Variants in SPATC1 observed in about 807,000 individuals in gnomAD.
SPATC1 encodes spermatogenesis and centriole associated 1.
SPATC1 carries 35 observed loss-of-function variants against 36.5 expected under a neutral mutation model. That is an observed-to-expected ratio of 0.96 (90% CI 0.73 to 1.27). SPATC1 has a LOEUF of 1.27. Ranked by LOEUF, SPATC1 falls within the 50% of genes most tolerant of loss-of-function variation. The pLI is 0.00. For synonymous variants in SPATC1, 361 were observed against 353.6 expected (o/e 1.02, Z -0.24); for missense variants, 779 against 796.0 (o/e 0.98, Z 0.26).
intron 1 of SPATC1, among the ~76,000 whole-genome samples, chr8:144,033,071 C>CAAA (rs1305550907): frequency 1.6e-5 from 2 of 128,386 alleles, no homozygotes; most frequent in Admixed American, 8.4e-5. Flanking sequence ...CAACAAACAG[C>CAAA]AAAAAAAAAA....
chr8:144,029,717 CT>C (rs1301095466), intron 1 of SPATC1, among the ~76,000 whole-genome samples: 1 of 152,012 alleles, frequency 6.6e-6, no homozygotes, highest in Non-Finnish European at 1.5e-5. Flanking sequence ...ACTTAGAGAC[CT>C]TTTTTTGTGA....
At chr8:144,019,863 AC>A (rs1465570242) in intron 1 of SPATC1, among the ~76,000 whole-genome samples, 1 of 151,414 alleles carries the variant, frequency 6.6e-6, no homozygotes, top group East Asian at 1.9e-4. Context: ...CCACACACCT[AC>A]CTGAGGATCC....
At chr8:144,027,007 G>GTT (rs1375778377) in intron 1 of SPATC1, among the ~76,000 whole-genome samples, 5 of 133,740 alleles carry the variant, frequency 3.7e-5, no homozygotes, top group Admixed American at 7.6e-5. Flanking sequence ...TTTTTTTTTG[G>GTT]ATTTTTAGTA....
chr8:144,041,664 G>A (rs1205045080), intron 4 of SPATC1, among the ~76,000 whole-genome samples: 3 of 152,214 alleles, frequency 2.0e-5, no homozygotes, highest in African/African-American at 4.8e-5. Flanking sequence ...TGCTTTGCCA[G>A]CATGCCGGAG....
At chr8:144,043,962 G>T (rs1178330329) in intron 4 of SPATC1, among the ~76,000 whole-genome samples, 2 of 152,046 alleles carry the variant, frequency 1.3e-5, no homozygotes, top group Middle Eastern at 3.2e-3. Context: ...ATTGACACTG[G>T]GTCCTACAGA....
At chr8:144,044,011 C>T (rs374822718) in intron 4 of SPATC1, among the ~76,000 whole-genome samples, 52 of 152,294 alleles carry the variant, frequency 3.4e-4, no homozygotes, top group African/African-American at 1.0e-3. Flanking sequence ...TCACACCTTC[C>T]GCTGGTCCAA....
At chr8:144,013,290 T>C (rs1554752703) in intron 1 of SPATC1, among the ~76,000 whole-genome samples, 1 of 152,100 alleles carries the variant, frequency 6.6e-6, no homozygotes, top group Non-Finnish European at 1.5e-5. Flanking sequence ...TCCCAGGCTC[T>C]GGGTCCAGGC....
chr8:144,021,564 TTCTA>T (rs1564268473), intron 1 of SPATC1, among the ~76,000 whole-genome samples: 1 of 85,462 alleles, frequency 1.2e-5, no homozygotes, highest in Non-Finnish European at 2.5e-5. Flanking sequence ...AGAACTTTTC[TTCTA>T]AGGACCCTCT....
intron 1 of SPATC1, among the ~76,000 whole-genome samples, chr8:144,013,505 C>A (rs1554752737): frequency 6.6e-6 from 1 of 152,164 alleles, no homozygotes; most frequent in Non-Finnish European, 1.5e-5. Flanking sequence ...TGTCTTAATT[C>A]CCTGCCCCCT....
intron 1 of SPATC1, among the ~76,000 whole-genome samples, chr8:144,013,742 G>C (rs1279071215): frequency 1.3e-5 from 2 of 152,162 alleles, no homozygotes; most frequent in Non-Finnish European, 2.9e-5. Flanking sequence ...GATGACCTGA[G>C]GTCAGGAGTT....
intron 4 of SPATC1, among the ~76,000 whole-genome samples, chr8:144,041,759 C>T (rs1220583667): frequency 2.6e-5 from 4 of 152,160 alleles, no homozygotes; most frequent in Non-Finnish European, 5.9e-5. Flanking sequence ...GCAGGGAGGG[C>T]GGCTGCATCC....
chr8:144,042,307 A>ATTTTTTTTT (rs1835131253), intron 4 of SPATC1, among the ~76,000 whole-genome samples: 2 of 49,458 alleles, frequency 4.0e-5, no homozygotes, highest in Non-Finnish European at 6.4e-5. Flanking sequence ...ATATATATAT[A>ATTTTTTTTT]TATATTTTTT....
At position 144,012,342 on chromosome 8, in the gene SPATC1, G is replaced by A. The variant is rs1486155230; in HGVS notation, c.-174G>A. On this transcript the variant is annotated 5_prime_UTR_variant, in exon 1 of 5. Coordinates refer to ENST00000377470, the MANE Select transcript of SPATC1 (RefSeq NM_198572.3). ...GTGGCATGGAGAGCTGAGGGTGTTA[G>A]AGCAGAGAGGGCAAGGAAGAGGGCA... 1 of 616,836 alleles carries A rather than the reference G, an allele frequency of 1.6e-6. No homozygotes were observed. Among genetic ancestry groups the A allele is most frequent in the African/African-American group, 1.8e-5 (1 of 54,188 alleles). The allele number at this position is 616,836 out of a possible 1,614,324, so 38.2% of individuals were successfully genotyped here. A position where few individuals can be genotyped will look rare whatever the true frequency, so the allele number is the denominator to read the frequency against.
intron 1 of SPATC1, among the ~76,000 whole-genome samples, chr8:144,015,278 T>A: frequency 6.6e-6 from 1 of 151,772 alleles, no homozygotes; most frequent in East Asian, 1.9e-4. Flanking sequence ...CTCAAACTTC[T>A]GACCTCAGGT....
At chr8:144,011,375 C>T (rs551490452), upstream of SPATC1, among the ~76,000 whole-genome samples, 428 of 152,192 alleles carry the variant, frequency 2.8e-3, 1 homozygote, top group African/African-American at 9.9e-3. The surrounding 1 kb of genome is among the most constrained non-coding windows in gnomAD (Gnocchi z 4.5). Context: ...GGGGTAGGCC[C>T]CCCATTGTGA....
In SPATC1 at chr8:144,045,868, C is replaced by T. The variant is rs1483422989; in HGVS notation, c.1447-759C>T. ...CCCAGGTCACACATCCAGGGGGCAGCGGCAGGCTGAGTGGGAGGGGCTGCC... is the reference window on the plus strand; with the variant it reads ...CCCAGGTCACACATCCAGGGGGCAGTGGCAGGCTGAGTGGGAGGGGCTGCC... On this transcript the variant is annotated intron_variant, in intron 4 of 4. Transcript: ENST00000377470. The surrounding 1 kb of genome is among the most constrained non-coding windows in gnomAD (Gnocchi z 5.2). 6.6e-6 allele frequency among the ~76,000 whole-genome samples: 1 copy of T among 152,248 alleles called. No homozygotes were observed.
Position 144,044,717 on chromosome 8 carries a change from C to T in SPATC1, c.1447-1910C>T, listed in dbSNP as rs566290224. ...ATCCCAGCACTGTGGGAGGCCGAGG[C>T]GGGCAGATCACCTGAGGTCAGGAGT... On this transcript the variant is annotated intron_variant, in intron 4 of 4. Coordinates refer to ENST00000377470, the MANE Select transcript of SPATC1 (RefSeq NM_198572.3). Among the ~76,000 whole-genome samples, 23 of 151,844 alleles carry T rather than the reference C, an allele frequency of 1.5e-4. 1 individual carries two copies. Among genetic ancestry groups the T allele is most frequent in the South Asian group, 1.0e-3 (5 of 4,818 alleles).
chr8:144,025,104 G>T (rs1834649694), intron 1 of SPATC1, among the ~76,000 whole-genome samples: 1 of 150,802 alleles, frequency 6.6e-6, no homozygotes, highest in South Asian at 2.1e-4. Flanking sequence ...TCTTCCCTCA[G>T]GACCCTCTTC....
chr8:144,042,309 ATATTTTTT>A (rs1835132962), intron 4 of SPATC1, among the ~76,000 whole-genome samples: 3 of 42,394 alleles, frequency 7.1e-5, no homozygotes, highest in African/African-American at 5.0e-4. Context: ...ATATATATAT[ATATTTTTT>A]TTTTTTTTTT....
Sources: gnomAD v4.1 joint callset for allele counts (sites outside exome capture counted in the v4.1 genomes callset) on GRCh38, gnomAD v4.1.1 for gene constraint, Gnocchi (gnomAD v3.1) non-coding constraint, MANE v1.5 for transcripts, NCBI Gene and HGNC (gene_info 2026-07-23, HGNC 2026-07-21) for gene names.